AMPD3: variants seen among roughly 807,000 people sequenced by gnomAD.
AMPD3 encodes the protein adenosine monophosphate deaminase 3.
AMPD3 carries 57 observed loss-of-function variants against 82.3 expected under a neutral mutation model. The ratio of observed to expected loss-of-function variants is 0.69; its 90% CI spans 0.56 to 0.86. The LOEUF (loss-of-function observed/expected upper bound fraction) is 0.86. Among genes scored for constraint, AMPD3 ranks in the 40% least tolerant of loss-of-function variants. The pLI is 0.00. For synonymous variants in AMPD3, 381 were observed against 394.7 expected (o/e 0.97, Z 0.41); for missense variants, 870 against 1,003.8 (o/e 0.87, Z 1.80).
intron 4 of AMPD3, among the ~76,000 whole-genome samples, chr11:10,483,700 C>T (rs567164171): frequency 6.6e-6 from 1 of 152,242 alleles, no homozygotes; most frequent in African/African-American, 2.4e-5. Context: ...TGTGGCCGTG[C>T]CTGATGGGGC....
rs1849372306 is a variant in AMPD3 at position 10,495,641 on chromosome 11, T to G, written c.1338T>G (p.Ser446Arg). The G allele has an allele frequency of 1.9e-6, 3 of 1,614,006 alleles. No homozygotes were observed. The East Asian group carries it at 6.7e-5, about 36-fold the overall frequency. Residue 446 changes from serine to arginine, a missense_variant, in exon 9 of 15, where the codon AGT (serine) becomes AGG (arginine). Ser to Arg is a moderately radical substitution (Grantham distance 110). Transcript: ENST00000396553. Reference protein sequence around the residue: ...SEPRLSIYGRSPEEWPNLAYW... With the variant: ...SEPRLSIYGRRPEEWPNLAYW... ...CACGGCTCTCCATCTACGGCCGCAG[T>G]CCTGAGGAGTGGCCCAACCTGGCCT...
At chr11:10,497,009 T>C in intron 10 of AMPD3, 71 bp downstream of exon 10, 1 of 1,574,380 alleles carries the variant, frequency 6.4e-7, no homozygotes, top group South Asian at 1.1e-5. Flanking sequence ...GTGAGCTGGG[T>C]CAGGCTTGCT....
Position 10,495,553 on chromosome 11 carries a change from A to G in AMPD3, c.1267-17A>G, listed in dbSNP as rs1189801012. ...GCTGGGATGCACTGGGGCTGACCCA[A>G]GCTCTTCTTGTGCCAGGAGGTTGCC... On this transcript the variant is annotated splice_polypyrimidine_tract_variant and intron_variant, in intron 8 of 14. Transcript: ENST00000396553. The G allele has an allele frequency of 1.2e-6, 2 of 1,612,310 alleles. No homozygotes were observed. Among genetic ancestry groups the G allele is most frequent in the Non-Finnish European group, 1.7e-6 (2 of 1,180,020 alleles).
At chr11:10,485,233 A>C (rs981985363) in intron 5 of AMPD3, among the ~76,000 whole-genome samples, 194 bp downstream of exon 5, 3 of 151,968 alleles carry the variant, frequency 2.0e-5, no homozygotes, top group Non-Finnish European at 4.4e-5. Context: ...ATAGCCTTTG[A>C]CTTGGTACTC....
upstream of AMPD3, chr11:10,450,950 G>C (rs572734481): frequency 6.6e-5 from 96 of 1,455,554 alleles, no homozygotes; most frequent in Non-Finnish European, 8.4e-5. Flanking sequence ...TCAGTGCCCA[G>C]CAGCCCCGCT....
At chr11:10,451,002 C>T, upstream of AMPD3, 1 of 1,577,154 alleles carries the variant, frequency 6.3e-7, no homozygotes, top group Non-Finnish European at 8.6e-7. Flanking sequence ...GCCCTGCGGC[C>T]GTCCCTTTCG....
intron 8 of AMPD3, 167 bp from the exon 9 acceptor site, chr11:10,495,403 T>G: frequency 1.0e-6 from 1 of 984,186 alleles, no homozygotes; most frequent in Non-Finnish European, 1.2e-6. Context: ...TCTCCTAAAG[T>G]GGAACAAGAG....
intron 6 of AMPD3, among the ~76,000 whole-genome samples, chr11:10,492,925 T>C (rs962621889): frequency 7.2e-5 from 11 of 152,212 alleles, no homozygotes; most frequent in Admixed American, 7.2e-4. Flanking sequence ...TGCAGTGTAC[T>C]GTACCTTGGT....
chr11:10,472,062 A>T (rs564965547), intron 2 of AMPD3, among the ~76,000 whole-genome samples: 3 of 152,372 alleles, frequency 2.0e-5, no homozygotes, highest in Admixed American at 1.3e-4. Context: ...CATCAATGAT[A>T]GACTGGATAA....
rs771482549 is a variant in AMPD3 at position 10,487,358 on chromosome 11, G to C, written c.933G>C (p.Val311=). ...KSNPHRDFYN[V]RKVDTHIHAA... is the part of the protein sequence containing the mutation. ...ACCCCCACCGGGACTTCTATAACGT[G>C]AGAAAGGTGCGTTAGGGGCGAGTGT... is the stretch of plus-strand genomic sequence containing the variant. Residue 311 remains valine (V), a synonymous_variant, in exon 6 of 15, where the codon GTG becomes GTC. Transcript: ENST00000396553. 1.2e-6 allele frequency: 2 copies of C among 1,614,094 alleles called. No individual in the cohort carries two copies. Among genetic ancestry groups the C allele is most frequent in the East Asian group, 4.5e-5 (2 of 44,874 alleles).
chr11:10,489,219 C>T (rs1849169601), intron 6 of AMPD3, among the ~76,000 whole-genome samples: 1 of 152,164 alleles, frequency 6.6e-6, no homozygotes, highest in East Asian at 1.9e-4. Context: ...TCCTCTCAGC[C>T]CTGCCCAAAG....
In AMPD3 at chr11:10,505,710, A is replaced by G. The variant is rs976202772; in HGVS notation, c.2130A>G (p.Glu710=). 1.2e-5 allele frequency: 19 copies of G among 1,613,542 alleles called. No individual in the cohort carries two copies. Among genetic ancestry groups the G allele is most frequent in the African/African-American group, 2.7e-5 (2 of 74,934 alleles). ...SVLQSGLSHQ[E]KQKFLGQNYY... is the part of the protein sequence containing the mutation. Reference sequence around the variant, plus strand: ...TTTGTATTTCTCTTGGTCCACAGGAAAAGCAAAAGTTTCTGGGACAAAATT... The same window carrying G: ...TTTGTATTTCTCTTGGTCCACAGGAGAAGCAAAAGTTTCTGGGACAAAATT... The change falls in exon 15 of 15, where the codon GAA becomes GAG. Residue 710 remains glutamate (E), a splice_region_variant and synonymous_variant. Coordinates refer to ENST00000396553, the MANE Select transcript of AMPD3 (RefSeq NM_001025389.2).
chr11:10,450,601 C>T, upstream of AMPD3: 1 of 990,800 alleles, frequency 1.0e-6, no homozygotes, highest in South Asian at 4.7e-5. Flanking sequence ...GGCATCTGCT[C>T]CGGGCTGCGG....
At chr11:10,475,887 T>G (rs1323575836) in intron 2 of AMPD3, among the ~76,000 whole-genome samples, 1 of 152,150 alleles carries the variant, frequency 6.6e-6, no homozygotes, top group Non-Finnish European at 1.5e-5. Context: ...ACCTGAATTC[T>G]GCCAACAACC....
At chr11:10,488,475 CGA>C (rs1244467247) in intron 6 of AMPD3, 2 of 174,922 alleles carry the variant, frequency 1.1e-5, no homozygotes, top group Non-Finnish European at 1.4e-5. Context: ...ATGAGAGAGT[CGA>C]GAGAGTCAGA....
chr11:10,483,717 C>T (rs907780016), intron 4 of AMPD3, among the ~76,000 whole-genome samples: 9 of 152,270 alleles, frequency 5.9e-5, no homozygotes, highest in Non-Finnish European at 1.2e-4. Context: ...GGGCATTCCC[C>T]TCTCCAGCTC....
At chr11:10,451,198 C>T (rs1427505534), upstream of AMPD3, among the ~76,000 whole-genome samples, 3 of 152,234 alleles carry the variant, frequency 2.0e-5, no homozygotes, top group Non-Finnish European at 4.4e-5. Flanking sequence ...ATCCCTTGCC[C>T]TGTCCCCTGT....
intron 1 of AMPD3, among the ~76,000 whole-genome samples, chr11:10,458,353 C>A (rs577955214): frequency 6.6e-6 from 1 of 151,362 alleles, no homozygotes; most frequent in East Asian, 1.9e-4. Context: ...CCAAAACCTG[C>A]CAGAAAAAGA....
chr11:10,457,938 GATCTGGCATA>G (rs11278140), intron 1 of AMPD3, among the ~76,000 whole-genome samples: 26,847 of 152,028 alleles, frequency 0.18, 2,615 homozygotes, highest in Admixed American at 0.29. Flanking sequence ...AACATGGCAG[GATCTGGCATA>G]AGAGCCCTCA....
Sources: gnomAD v4.1 joint callset for allele counts (sites outside exome capture counted in the v4.1 genomes callset) on GRCh38, gnomAD v4.1.1 for gene constraint, MANE v1.5 for transcripts, NCBI Gene and HGNC (gene_info 2026-07-23, HGNC 2026-07-21) for gene names.